ADAMTS18: variants seen among roughly 807,000 people sequenced by gnomAD.
ADAMTS18 encodes the protein A disintegrin and metalloproteinase with thrombospondin motifs 18.
In ADAMTS18, 157 loss-of-function variants were observed where a neutral mutation model predicts 165.9. The ratio of observed to expected loss-of-function variants is 0.95; its 90% confidence interval spans 0.83 to 1.08. The LOEUF (loss-of-function observed/expected upper bound fraction) is 1.08. Ranked by LOEUF, ADAMTS18 falls within the 50% of genes least tolerant of loss-of-function variation. The pLI is 0.00. For synonymous variants in ADAMTS18, 782 were observed against 578.2 expected, an observed-to-expected ratio of 1.35 and a Z score of -5.06; for missense variants, 2,040 against 1,534.0, an observed-to-expected ratio of 1.33 and a Z score of -5.51.
chr16:77,409,070 A>G (rs1025169963), intron 3 of ADAMTS18, among the ~76,000 whole-genome samples: 1 of 152,170 alleles, frequency 6.6e-6, no homozygotes, highest in Non-Finnish European at 1.5e-5. Flanking sequence ...ATATAAAAAT[A>G]AAGAAAAAAC....
At chr16:77,359,548 G>GT in intron 7 of ADAMTS18, 125 bp from the exon 8 acceptor site, 1 of 626,764 alleles carries the variant, frequency 1.6e-6, no homozygotes, top group Non-Finnish European at 2.7e-6. Flanking sequence ...CAGTGTTTTT[G>GT]GAAAAAAAAA....
chr16:77,299,974 GCTT>G, intron 17 of ADAMTS18: 1 of 245,834 alleles, frequency 4.1e-6, no homozygotes, highest in Admixed American at 4.9e-5. Context: ...ATATAAATAT[GCTT>G]CTATTTGTAA....
chr16:77,401,124 G>C (rs148048079), intron 3 of ADAMTS18, among the ~76,000 whole-genome samples: 2 of 151,932 alleles, frequency 1.3e-5, no homozygotes, highest in Non-Finnish European at 2.9e-5. Context: ...GCGTGGTGGC[G>C]GGTGCCTATA....
At chr16:77,385,727 T>C (rs1388036609) in intron 3 of ADAMTS18, among the ~76,000 whole-genome samples, 2 of 152,270 alleles carry the variant, frequency 1.3e-5, no homozygotes, top group East Asian at 1.9e-4. Flanking sequence ...TGGAGCTGGA[T>C]GATTGACAGG....
At chr16:77,344,520 C>T (rs1246723555) in intron 10 of ADAMTS18, among the ~76,000 whole-genome samples, 1 of 152,002 alleles carries the variant, frequency 6.6e-6, no homozygotes, top group African/African-American at 2.4e-5. Context: ...TGAGAGATAG[C>T]ACTGAAATGA....
At chr16:77,285,057 T>C (rs1429942688) in intron 22 of ADAMTS18, among the ~76,000 whole-genome samples, 2 of 152,204 alleles carry the variant, frequency 1.3e-5, no homozygotes, top group Non-Finnish European at 2.9e-5. Flanking sequence ...GCAGGACAGA[T>C]GTGATTATTT....
chr16:77,363,093 C>T (rs1207725053), intron 6 of ADAMTS18, among the ~76,000 whole-genome samples: 2 of 152,210 alleles, frequency 1.3e-5, no homozygotes, highest in African/African-American at 2.4e-5. Context: ...GGAAAAGCCT[C>T]GGGGGACTTA....
At chr16:77,297,528 T>C in intron 17 of ADAMTS18, 113 bp from the exon 18 acceptor site, 1 of 1,162,922 alleles carries the variant, frequency 8.6e-7, no homozygotes, top group Non-Finnish European at 1.3e-6. Context: ...AGATATGGAA[T>C]CCAAATATTT....
intron 10 of ADAMTS18, among the ~76,000 whole-genome samples, chr16:77,347,461 A>G (rs1167742162): frequency 6.6e-6 from 1 of 152,182 alleles, no homozygotes; most frequent in Admixed American, 6.5e-5. Flanking sequence ...GGTCTTCGGT[A>G]TCATTTGGTA....
chr16:77,400,354 G>C (rs2057309771), intron 3 of ADAMTS18, among the ~76,000 whole-genome samples: 1 of 151,930 alleles, frequency 6.6e-6, no homozygotes. Flanking sequence ...GATGGAGTGA[G>C]TTAAGACCCC....
intron 3 of ADAMTS18, among the ~76,000 whole-genome samples, chr16:77,411,239 C>T (rs1005501960): frequency 6.6e-5 from 10 of 152,170 alleles, no homozygotes; most frequent in African/African-American, 2.4e-4. Context: ...AGCCACATGG[C>T]TGGCTCCCTG....
At chr16:77,343,343 G>C (rs970368899) in intron 10 of ADAMTS18, among the ~76,000 whole-genome samples, 113 of 152,204 alleles carry the variant, frequency 7.4e-4, no homozygotes, top group African/African-American at 2.7e-3. Context: ...CAAAGTGCTA[G>C]GATTGCTCAC....
intron 3 of ADAMTS18, among the ~76,000 whole-genome samples, chr16:77,429,382 A>T (rs962275425): frequency 1.3e-5 from 2 of 152,220 alleles, no homozygotes; most frequent in African/African-American, 4.8e-5. Context: ...GAGCTAAATG[A>T]TGAGAACTCA....
rs747237534 is a variant in ADAMTS18, at chr16:77,295,040, G to A, written c.2889C>T (p.Pro963=). 74 of 1,614,072 alleles carry A rather than the reference G, an allele frequency of 4.6e-5. No homozygotes were observed. Among genetic ancestry groups the A allele is most frequent in the Non-Finnish European group, 5.9e-5 (70 of 1,180,036 alleles). The stretch of plus-strand genomic sequence containing the variant: ...GCAACACTGCTTCCTCCTTTTGGAA[G>A]GGCTTCTTTTGCACACACTGGATCT... The part of the protein sequence containing the change: ...SRKIQCVQKK[P]FQKEEAVLHS... The change falls in exon 19 of 23, where the codon CCC becomes CCT. Residue 963 remains proline, a synonymous_variant. Transcript: ENST00000282849.
chr16:77,285,836 C>T (rs2055239653), intron 22 of ADAMTS18, among the ~76,000 whole-genome samples: 1 of 152,178 alleles, frequency 6.6e-6, no homozygotes, highest in Admixed American at 6.5e-5. Flanking sequence ...AGCATCCAAC[C>T]TCTTCAGTAC....
chr16:77,385,853 C>G (rs1175680516), intron 3 of ADAMTS18, among the ~76,000 whole-genome samples: 2 of 152,126 alleles, frequency 1.3e-5, no homozygotes, highest in African/African-American at 2.4e-5. Context: ...TCCTCACCCC[C>G]TGCCTTGAGG....
chr16:77,327,564 A>C (rs1035147984), intron 12 of ADAMTS18, among the ~76,000 whole-genome samples: 3 of 152,228 alleles, frequency 2.0e-5, no homozygotes, highest in Non-Finnish European at 2.9e-5. Context: ...ACCCAGCCGT[A>C]AAAAAGTAAT....
chr16:77,338,245 T>G (rs8049590), intron 11 of ADAMTS18, among the ~76,000 whole-genome samples: 3,163 of 152,012 alleles, frequency 0.021, 112 homozygotes, highest in African/African-American at 0.072. Flanking sequence ...TTGTTGTTGT[T>G]GTTGTTTTTA....
chr16:77,305,693 G>T (rs1480861235), intron 16 of ADAMTS18, among the ~76,000 whole-genome samples: 2 of 152,060 alleles, frequency 1.3e-5, no homozygotes, highest in African/African-American at 4.8e-5. Context: ...GGAGAATATA[G>T]CCCCCAATTT....
Sources: gnomAD v4.1 joint callset for allele counts (sites outside exome capture counted in the v4.1 genomes callset) on GRCh38, gnomAD v4.1.1 for gene constraint, MANE v1.5 for transcripts, NCBI Gene and HGNC (gene_info 2026-07-23, HGNC 2026-07-21) for gene names.